Variants in ADAMTSL3 observed in about 807,000 individuals in gnomAD.
The protein encoded by ADAMTSL3 is ADAMTS like 3.
ADAMTSL3 carries 128 observed loss-of-function variants against 201.7 expected under a neutral mutation model. The ratio of observed to expected loss-of-function variants is 0.63; its 90% CI spans 0.55 to 0.73. The LOEUF (loss-of-function observed/expected upper bound fraction) is 0.73, where lower values mean the gene tolerates loss of function less well. Among genes scored for constraint, ADAMTSL3 ranks in the 30% least tolerant of loss-of-function variants. ADAMTSL3 has a pLI of 0.00. For missense variants in ADAMTSL3, 1,990 were observed against 2,119.6 expected (o/e 0.94, Z 1.20); for synonymous variants, 738 against 748.4 (o/e 0.99, Z 0.23).
intron 21 of ADAMTSL3, among the ~76,000 whole-genome samples, chr15:83,986,170 G>A (rs1296983058): frequency 2.6e-5 from 4 of 152,066 alleles, no homozygotes; most frequent in Non-Finnish European, 4.4e-5. Context: ...TAGACTTCTG[G>A]GGGGTTCATG....
chr15:83,811,692 T>C (rs2063700508), intron 5 of ADAMTSL3, among the ~76,000 whole-genome samples: 2 of 152,176 alleles, frequency 1.3e-5, no homozygotes, highest in South Asian at 4.1e-4. Context: ...AAATAGATGC[T>C]TGGGGTAGAG....
intron 3 of ADAMTSL3, 38 bp from the exon 4 acceptor site, chr15:83,773,485 G>T: frequency 6.2e-7 from 1 of 1,603,176 alleles, no homozygotes; most frequent in East Asian, 2.2e-5. Flanking sequence ...ACTTTATTGT[G>T]TGGTTTTTTT....
chr15:83,921,751 C>T (rs909035834), intron 16 of ADAMTSL3, among the ~76,000 whole-genome samples: 2 of 152,158 alleles, frequency 1.3e-5, no homozygotes, highest in Admixed American at 6.5e-5. Context: ...CTGGTACAAT[C>T]ATAGCTTGCT....
At chr15:83,839,503 G>A (rs948000900) in intron 7 of ADAMTSL3, among the ~76,000 whole-genome samples, 3 of 152,164 alleles carry the variant, frequency 2.0e-5, no homozygotes, top group Admixed American at 6.5e-5. Flanking sequence ...GGAGTGATAT[G>A]GTTAGGTTAG....
At chr15:83,979,598 A>T (rs1161638293) in intron 20 of ADAMTSL3, among the ~76,000 whole-genome samples, 2 of 152,248 alleles carry the variant, frequency 1.3e-5, no homozygotes, top group Non-Finnish European at 2.9e-5. Context: ...ACTTGCTTTA[A>T]CAGCCATCTT....
At chr15:83,748,328 A>G (rs1484507799) in intron 3 of ADAMTSL3, among the ~76,000 whole-genome samples, 2 of 152,154 alleles carry the variant, frequency 1.3e-5, no homozygotes, top group African/African-American at 2.4e-5. Context: ...CTGTGTAGCA[A>G]TGTCATGATG....
intron 4 of ADAMTSL3, among the ~76,000 whole-genome samples, chr15:83,783,030 TTA>T (rs556570142): frequency 4.1e-5 from 6 of 147,620 alleles, no homozygotes; most frequent in African/African-American, 9.8e-5. Flanking sequence ...TACGTATATA[TTA>T]TATATATATA....
chr15:83,899,876 G>C, intron 15 of ADAMTSL3, 145 bp downstream of exon 15: 1 of 1,150,878 alleles, frequency 8.7e-7, no homozygotes. Context: ...GAGCTGGCTA[G>C]AATTTTTCTT....
chr15:83,877,678 G>A (rs529009085), intron 9 of ADAMTSL3, among the ~76,000 whole-genome samples: 1 of 152,074 alleles, frequency 6.6e-6, no homozygotes, highest in Non-Finnish European at 1.5e-5. Context: ...TCAATTTAAG[G>A]AAAATTGACA....
chr15:83,803,688 G>T (rs1037703888), intron 4 of ADAMTSL3, among the ~76,000 whole-genome samples: 2 of 152,204 alleles, frequency 1.3e-5, no homozygotes, highest in African/African-American at 4.8e-5. Context: ...GGAAAACTCT[G>T]CCTGGAAAAT....
At chr15:83,962,110 T>C (rs954342606) in intron 19 of ADAMTSL3, 4 of 152,184 alleles carry the variant, frequency 2.6e-5, no homozygotes, top group Admixed American at 6.5e-5. Context: ...CGAGATCTGA[T>C]GGTTTTATAA....
chr15:83,658,109 C>CTTTCT (rs1210104395), intron 2 of ADAMTSL3, among the ~76,000 whole-genome samples: 2 of 152,086 alleles, frequency 1.3e-5, no homozygotes, highest in African/African-American at 4.8e-5. Context: ...ATAGAGTTTC[C>CTTTCT]TTTCTTTTCT....
At chr15:83,661,829 T>C (rs1328641534) in intron 2 of ADAMTSL3, among the ~76,000 whole-genome samples, 2 of 149,354 alleles carry the variant, frequency 1.3e-5, no homozygotes, top group Non-Finnish European at 3.0e-5. Flanking sequence ...AAAATGCTCA[T>C]CATCACTGGC....
chr15:83,800,937 A>G (rs1194806165), intron 4 of ADAMTSL3, among the ~76,000 whole-genome samples: 3 of 152,138 alleles, frequency 2.0e-5, no homozygotes, highest in African/African-American at 7.2e-5. Flanking sequence ...GAAGTAGGCC[A>G]TGTAAGTGAA....
chr15:83,941,202 ACTTT>A (rs2066552371), intron 17 of ADAMTSL3, among the ~76,000 whole-genome samples: 1 of 151,918 alleles, frequency 6.6e-6, no homozygotes, highest in Non-Finnish European at 1.5e-5. Context: ...CATAAATAAA[ACTTT>A]TATTCTTTTG....
intron 6 of ADAMTSL3, among the ~76,000 whole-genome samples, chr15:83,830,930 T>C (rs545124034): frequency 6.6e-6 from 1 of 152,124 alleles, no homozygotes; most frequent in Non-Finnish European, 1.5e-5. Context: ...TTCTGGTAAA[T>C]CCACGAATGA....
chr15:83,764,770 C>T (rs780976989), intron 3 of ADAMTSL3, among the ~76,000 whole-genome samples: 5 of 151,954 alleles, frequency 3.3e-5, no homozygotes, highest in African/African-American at 4.8e-5. Context: ...TGGTAAATAG[C>T]GTGTTTTAAA....
chr15:84,000,551 A>T (rs1486478187), intron 23 of ADAMTSL3, among the ~76,000 whole-genome samples: 1 of 152,206 alleles, frequency 6.6e-6, no homozygotes, highest in Non-Finnish European at 1.5e-5. Flanking sequence ...GCATGCAGAG[A>T]TGAATACAAT....
Position 83,913,312 on chromosome 15 carries a change from G to A in ADAMTSL3, c.1921G>A (p.Asp641Asn), listed in dbSNP as rs566257708. 4.3e-6 allele frequency: 7 copies of A among 1,613,868 alleles called. No individual in the cohort carries two copies. In the South Asian group the frequency reaches 5.5e-5, roughly 13 times the overall value. Residue 641 changes from aspartate to asparagine, a missense_variant, in exon 16 of 30, where the codon GAC becomes AAC. By Grantham distance (23) the Asp-to-Asn change is conservative (BLOSUM62 1). Transcript: ENST00000286744. ...AGAGCTAGACATCCCTCTCCCTGAG[G>A]ACAGTGAGACGACTTACGACTGGGA... is the stretch of plus-strand genomic sequence containing the variant. The part of the protein sequence containing the change: ...SRELDIPLPE[D>N]SETTYDWEYA...
Sources: gnomAD v4.1 joint callset for allele counts (sites outside exome capture counted in the v4.1 genomes callset) on GRCh38, gnomAD v4.1.1 for gene constraint, MANE v1.5 for transcripts, NCBI Gene and HGNC (gene_info 2026-07-23, HGNC 2026-07-21) for gene names.